Variants in SLC39A11 observed in about 807,000 individuals in gnomAD.
SLC39A11 encodes the protein zinc transporter ZIP11.
In SLC39A11, 33 loss-of-function variants were observed where a neutral mutation model predicts 36.1. That is an observed-to-expected ratio of 0.91 (90% CI 0.69 to 1.22). The LOEUF is 1.22. SLC39A11 is among the 50% of genes most tolerant of loss of function. The probability of loss-of-function intolerance (pLI) is 0.00; values close to 1 mark genes in which losing one functional copy is unlikely to be tolerated. For synonymous variants in SLC39A11, 166 were observed against 170.3 expected (o/e 0.97, Z 0.20); for missense variants, 432 against 430.3 (o/e 1.00, Z -0.03).
At chr17:72,887,922 C>T (rs2146665430) in intron 5 of SLC39A11, among the ~76,000 whole-genome samples, 1 of 152,308 alleles carries the variant, frequency 6.6e-6, no homozygotes, top group Non-Finnish European at 1.5e-5. Flanking sequence ...TACTCTTCCC[C>T]ACTTCTCAAT....
intron 6 of SLC39A11, among the ~76,000 whole-genome samples, chr17:72,775,936 C>T (rs1328649984): frequency 1.3e-5 from 2 of 152,248 alleles, no homozygotes; most frequent in Non-Finnish European, 2.9e-5. Flanking sequence ...TCCACTGGCT[C>T]TTGTTCAGGT....
chr17:72,732,229 G>A (rs1465156463), intron 7 of SLC39A11, among the ~76,000 whole-genome samples: 3 of 151,360 alleles, frequency 2.0e-5, no homozygotes, highest in Admixed American at 6.6e-5. Flanking sequence ...AGGCCAAGCC[G>A]GTCTTGAATT....
chr17:72,846,379 G>GACACA (rs201597865), intron 6 of SLC39A11, among the ~76,000 whole-genome samples: 7,128 of 152,266 alleles, frequency 0.047, 191 homozygotes, highest in Non-Finnish European at 0.059. Flanking sequence ...AAGTGACAAA[G>GACACA]GCTGAACTTA....
chr17:72,669,400 T>C (rs1277700374), intron 7 of SLC39A11, among the ~76,000 whole-genome samples: 1 of 152,224 alleles, frequency 6.6e-6, no homozygotes, highest in Non-Finnish European at 1.5e-5. Context: ...CAATAATGTT[T>C]CAGTCTTTCC....
rs540387642 is a variant in SLC39A11, at chr17:72,807,081, T to C, written c.601+42553A>G. ...CTTCTACTGTTTTATTCTAGCTATC[T>C]TGTTTTTGATTTCCAAGAGCTCCTT... On this transcript the variant is annotated intron_variant, in intron 6 of 9. Coordinates refer to ENST00000255559, the MANE Select transcript of SLC39A11 (RefSeq NM_139177.4). 7.2e-5 allele frequency among the ~76,000 whole-genome samples: 11 copies of C among 152,338 alleles called. No individual in the cohort carries two copies. In the East Asian group the frequency reaches 2.1e-3, roughly 29 times the overall value.
intron 5 of SLC39A11, among the ~76,000 whole-genome samples, chr17:72,933,194 A>T (rs1416280320): frequency 6.6e-6 from 1 of 152,214 alleles, no homozygotes; most frequent in Non-Finnish European, 1.5e-5. Flanking sequence ...ATCTACCAAA[A>T]AATTCTTAGA....
chr17:72,657,399 T>C (rs929956770), intron 7 of SLC39A11, among the ~76,000 whole-genome samples: 2 of 151,580 alleles, frequency 1.3e-5, no homozygotes, highest in Non-Finnish European at 2.9e-5. Context: ...AATAAATAAA[T>C]AAAAATAAAC....
At chr17:72,804,120 C>T (rs547373723) in intron 6 of SLC39A11, among the ~76,000 whole-genome samples, 3 of 152,184 alleles carry the variant, frequency 2.0e-5, no homozygotes, top group South Asian at 2.1e-4. Context: ...CTCAGCCTCC[C>T]GAGTAGCTGG....
At chr17:73,020,461 C>T (rs2148580673) in intron 4 of SLC39A11, among the ~76,000 whole-genome samples, 1 of 152,276 alleles carries the variant, frequency 6.6e-6, no homozygotes, top group Non-Finnish European at 1.5e-5. Context: ...TTAAGCCAGA[C>T]TTCAGTATTT....
chr17:72,836,057 T>C (rs2078529529), intron 6 of SLC39A11, among the ~76,000 whole-genome samples: 1 of 152,166 alleles, frequency 6.6e-6, no homozygotes, highest in Non-Finnish European at 1.5e-5. Flanking sequence ...TGGTGGGCCC[T>C]GTGTACGGTG....
intron 4 of SLC39A11, among the ~76,000 whole-genome samples, chr17:73,012,298 G>T (rs1179474866): frequency 6.6e-6 from 1 of 151,862 alleles, no homozygotes. Context: ...ATAACTAAAA[G>T]AATATAATTG....
chr17:73,018,185 C>A (rs1358804888), intron 4 of SLC39A11, among the ~76,000 whole-genome samples: 5 of 152,198 alleles, frequency 3.3e-5, no homozygotes, highest in Admixed American at 2.6e-4. Context: ...AAATCCATCA[C>A]TCTTTAAGAT....
In SLC39A11 at chr17:72,788,822, C is replaced by G. The variant is rs949054542; in HGVS notation, c.602-52103G>C. On this transcript the variant is annotated intron_variant, in intron 6 of 9. Coordinates refer to ENST00000255559, the MANE Select transcript of SLC39A11 (RefSeq NM_139177.4). ...TCAGATGCTGTGTATTAAGACTGGT[C>G]AGTGGAGAGTATGAGGCATGGATGG... Among the ~76,000 whole-genome samples, 3 of 152,194 alleles carry G rather than the reference C, an allele frequency of 2.0e-5. No individual in the cohort carries two copies. The East Asian group carries it at 5.8e-4, about 29-fold the overall frequency.
chr17:72,745,744 C>G (rs2074908792), intron 6 of SLC39A11, among the ~76,000 whole-genome samples: 1 of 152,078 alleles, frequency 6.6e-6, no homozygotes, highest in Non-Finnish European at 1.5e-5. Context: ...GAAGTTATAG[C>G]CAGAAGAAGT....
intron 7 of SLC39A11, among the ~76,000 whole-genome samples, chr17:72,730,902 C>T (rs942239868): frequency 1.4e-4 from 22 of 152,252 alleles, no homozygotes; most frequent in African/African-American, 5.3e-4. Flanking sequence ...AGGTGTGCGC[C>T]ACCACGTCCG....
At chr17:72,718,583 A>T (rs1598435597) in intron 7 of SLC39A11, among the ~76,000 whole-genome samples, 1 of 152,194 alleles carries the variant, frequency 6.6e-6, no homozygotes, top group East Asian at 1.9e-4. Flanking sequence ...TTGGGGTCAC[A>T]GCCAGGCACG....
At chr17:72,846,379 G>A (rs1043126361) in intron 6 of SLC39A11, among the ~76,000 whole-genome samples, 1 of 152,166 alleles carries the variant, frequency 6.6e-6, no homozygotes, top group Non-Finnish European at 1.5e-5. Flanking sequence ...AAGTGACAAA[G>A]GCTGAACTTA....
intron 5 of SLC39A11, 145 bp downstream of exon 5, chr17:72,947,607 A>G (rs2085510612): frequency 8.5e-7 from 1 of 1,179,106 alleles, no homozygotes; most frequent in Admixed American, 1.9e-5. Context: ...AGCTCCATGC[A>G]GTAGTAGGGT....
chr17:72,786,168 G>A (rs2144977288), intron 6 of SLC39A11, among the ~76,000 whole-genome samples: 1 of 152,286 alleles, frequency 6.6e-6, no homozygotes, highest in Non-Finnish European at 1.5e-5. Context: ...CAGGAGTCAG[G>A]GCCTGGGCAC....
Sources: allele counts gnomAD v4.1 joint callset (sites outside exome capture counted in the v4.1 genomes callset), GRCh38; gene constraint gnomAD v4.1.1; transcripts MANE v1.5; gene names NCBI Gene and HGNC (gene_info 2026-07-23, HGNC 2026-07-21).